The following HERC3 variants were observed in gnomAD, a reference collection of about 807,000 sequenced individuals.
HERC3 encodes the protein probable E3 ubiquitin-protein ligase HERC3.
A neutral mutation model predicts 129.9 loss-of-function variants in HERC3; 58 were observed. That is an observed-to-expected ratio of 0.45 (90% CI 0.36 to 0.56). The LOEUF (loss-of-function observed/expected upper bound fraction) is 0.56. Ranked by LOEUF, HERC3 falls within the 20% of genes least tolerant of loss-of-function variation. The pLI, the probability that HERC3 is intolerant of heterozygous loss-of-function variation, is 0.00. For missense variants in HERC3, 835 were observed against 1,244.2 expected, an observed-to-expected ratio of 0.67 and a Z score of 4.95; for synonymous variants, 430 against 451.0, an observed-to-expected ratio of 0.95 and a Z score of 0.59.
chr4:88,615,859 T>C (rs1170346934), intron 3 of HERC3, among the ~76,000 whole-genome samples: 1 of 152,232 alleles, frequency 6.6e-6, no homozygotes, highest in Non-Finnish European at 1.5e-5. Context: ...AAGCAAGTAC[T>C]AGCTATTATC....
At chr4:88,529,827 T>G in the HERC3 span, among the ~76,000 whole-genome samples, 1 of 152,262 alleles carries the variant, frequency 6.6e-6, no homozygotes, top group Non-Finnish European at 1.5e-5. Flanking sequence ...GTTTCTCTGT[T>G]TAAAATTTTT....
the HERC3 span, among the ~76,000 whole-genome samples, chr4:88,550,985 T>A: frequency 6.7e-6 from 1 of 148,212 alleles, no homozygotes; most frequent in African/African-American, 2.5e-5. Context: ...ATGCCGCATA[T>A]CTACAACTAT....
rs1376796046 is a variant in HERC3 at position 88,664,210 on chromosome 4, A to G, written c.1329A>G (p.Lys443=). The G allele has an allele frequency of 1.2e-6, 2 of 1,612,534 alleles. No individual in the cohort carries two copies. Among genetic ancestry groups the G allele is most frequent in the African/African-American group, 1.3e-5 (1 of 74,824 alleles). The change falls in exon 12 of 26, where the codon AAA becomes AAG. Residue 443 remains lysine, a splice_region_variant and synonymous_variant. Transcript: ENST00000402738. ...AACWNGSFLE[K]KIDEHFKTSP... ...GTTGGAATGGAAGTTTTCTTGAAAA[A>G]AAGTAAGTGACTTAGAGCCTTAAAA...
chr4:88,571,940 C>CTA, the HERC3 span, among the ~76,000 whole-genome samples: 2 of 152,114 alleles, frequency 1.3e-5, no homozygotes, highest in African/African-American at 4.8e-5. Context: ...CAGAATGTGA[C>CTA]TATATTTGGA....
the HERC3 span, among the ~76,000 whole-genome samples, chr4:88,559,367 T>C: frequency 6.6e-6 from 1 of 152,342 alleles, no homozygotes; most frequent in East Asian, 1.9e-4. Context: ...TCTCTAGATG[T>C]ATTCATCCTT....
Position 88,649,923 on chromosome 4 carries a change from C to G in HERC3, c.310C>G (p.Gln104Glu). 1.9e-6 allele frequency: 3 copies of G among 1,614,112 alleles called. No individual in the cohort carries two copies. The highest frequency in any genetic ancestry group is 2.5e-6 in the Non-Finnish European group (3 of 1,180,010). ...CAGTCTGGCCCTCAGTGACCGAGGCCAGCTGTTTTCTTGGGGTGCAGGGAG... is the reference window on the plus strand; with the variant it reads ...CAGTCTGGCCCTCAGTGACCGAGGCGAGCTGTTTTCTTGGGGTGCAGGGAG... ...SHSLALSDRG[Q>E]LFSWGAGSDG... Residue 104 changes from glutamine to glutamate, a missense_variant, in exon 4 of 26, where the codon CAG becomes GAG. By Grantham distance (29) the Gln-to-Glu change is conservative. Transcript: ENST00000402738.
intron 3 of HERC3, among the ~76,000 whole-genome samples, chr4:88,620,147 A>G (rs939924778): frequency 2.6e-5 from 4 of 152,382 alleles, no homozygotes; most frequent in African/African-American, 9.6e-5. Flanking sequence ...TTAATGGCAA[A>G]ATAACAGAAA....
chr4:88,533,384 C>G, the HERC3 span, among the ~76,000 whole-genome samples: 4 of 152,200 alleles, frequency 2.6e-5, no homozygotes, highest in African/African-American at 9.7e-5. Flanking sequence ...GAACAATACT[C>G]TGTATCCTTC....
chr4:88,560,035 C>T, the HERC3 span, among the ~76,000 whole-genome samples: 165 of 151,190 alleles, frequency 1.1e-3, no homozygotes, highest in Middle Eastern at 0.024. Context: ...TCTTGGCTCA[C>T]TGCAACCTCC....
chr4:88,624,154 A>G (rs1054026332), intron 3 of HERC3, among the ~76,000 whole-genome samples: 1 of 152,200 alleles, frequency 6.6e-6, no homozygotes, highest in Non-Finnish European at 1.5e-5. Context: ...CATTTTATGG[A>G]TAGAGTCACC....
At chr4:88,608,801 G>A (rs1723960109) in intron 3 of HERC3, among the ~76,000 whole-genome samples, 1 of 152,188 alleles carries the variant, frequency 6.6e-6, no homozygotes, top group Admixed American at 6.5e-5. Flanking sequence ...TGGCCCAACA[G>A]TCTACATTCA....
chr4:88,682,638 C>G (rs1329974274), intron 21 of HERC3, among the ~76,000 whole-genome samples: 1 of 152,122 alleles, frequency 6.6e-6, no homozygotes, highest in Non-Finnish European at 1.5e-5. Flanking sequence ...CATGTCCCTA[C>G]AAAGGACATG....
chr4:88,552,291 A>G, the HERC3 span, among the ~76,000 whole-genome samples: 1 of 152,126 alleles, frequency 6.6e-6, no homozygotes, highest in Non-Finnish European at 1.5e-5. Flanking sequence ...TAAAAAAAAA[A>G]AAAGTCTCGT....
Position 88,595,869 on chromosome 4 carries a change from G to C in HERC3, c.-30+255G>C, listed in dbSNP as rs1298474793. ...TTTTTTTTTTTTTTTTTTTTTTTTT[G>C]AGAGGGAGTCTGGCTGTCGCCCACG... On this transcript the variant is annotated intron_variant, in intron 2 of 25. Transcript: ENST00000402738. Among the ~76,000 whole-genome samples the C allele has an allele frequency of 1.4e-4, 5 of 36,210 alleles. No individual in the cohort carries two copies. In the Admixed American group the frequency reaches 1.8e-3, roughly 13 times the overall value. The allele number at this position is 36,210 out of a possible 152,430, so 23.8% of individuals were successfully genotyped here. A position where few individuals can be genotyped will look rare whatever the true frequency, so the allele number is the denominator to read the frequency against.
the HERC3 span, among the ~76,000 whole-genome samples, chr4:88,562,539 C>T: frequency 6.6e-6 from 1 of 152,042 alleles, no homozygotes; most frequent in African/African-American, 2.4e-5. Context: ...GCTTTAATTG[C>T]CTGTGCTTTG....
chr4:88,690,321 G>A (rs186608966), intron 23 of HERC3: 240 of 985,158 alleles, frequency 2.4e-4, no homozygotes, highest in Non-Finnish European at 2.8e-4. Context: ...AGATCATAAA[G>A]CAGATTTGTT....
chr4:88,545,777 A>G, the HERC3 span, among the ~76,000 whole-genome samples: 1 of 152,088 alleles, frequency 6.6e-6, no homozygotes, highest in African/African-American at 2.4e-5. Context: ...TTCTCTTTTC[A>G]TATGCTTGAA....
intron 3 of HERC3, among the ~76,000 whole-genome samples, chr4:88,607,933 T>C (rs1480321888): frequency 6.6e-6 from 1 of 152,182 alleles, no homozygotes; most frequent in Non-Finnish European, 1.5e-5. Flanking sequence ...CTAGCATAGG[T>C]GTTTGCCCCT....
chr4:88,570,160 T>C, the HERC3 span, among the ~76,000 whole-genome samples: 18 of 152,338 alleles, frequency 1.2e-4, no homozygotes, highest in South Asian at 3.7e-3. Context: ...TAAAAATTCC[T>C]TCAAGTCATT....
Sources: allele counts gnomAD v4.1 joint callset (sites outside exome capture counted in the v4.1 genomes callset), GRCh38; gene constraint gnomAD v4.1.1; transcripts MANE v1.5; gene names NCBI Gene and HGNC (gene_info 2026-07-23, HGNC 2026-07-21).